KRTAP5-5: variants seen among roughly 807,000 people sequenced by gnomAD.
The protein encoded by KRTAP5-5 is keratin associated protein 5-5, also known as keratin-associated protein 5-5.
KRTAP5-5 carries 1 observed loss-of-function variant against 2.8 expected under a neutral mutation model. That is an observed-to-expected ratio of 0.35 (90% CI 0.13 to 1.67). The LOEUF (loss-of-function observed/expected upper bound fraction) is 1.67. KRTAP5-5 is among the 40% of genes most tolerant of loss of function. KRTAP5-5 has a pLI of 0.35. For missense variants in KRTAP5-5, 134 were observed against 270.9 expected, an observed-to-expected ratio of 0.49 and a Z score of 3.55; for synonymous variants, 83 against 110.6, an observed-to-expected ratio of 0.75 and a Z score of 1.57.
chr11:1,630,773 C>G (rs999763098), downstream of KRTAP5-5: 3 of 686,504 alleles, frequency 4.4e-6, no homozygotes, highest in Non-Finnish European at 7.5e-6. Context: ...ATTTAAGATC[C>G]AAAGCGGCCC....
downstream of KRTAP5-5, among the ~76,000 whole-genome samples, chr11:1,630,873 G>T (rs10838014): frequency 6.6e-6 from 1 of 151,936 alleles, no homozygotes; most frequent in Non-Finnish European, 1.5e-5. Flanking sequence ...CTCTCTGGCT[G>T]TCTGTATATC....
At chr11:1,630,555 G>C (rs1211634875) in exon 1 of KRTAP5-5, 1 of 1,611,694 alleles carries the variant, frequency 6.2e-7, no homozygotes, top group Non-Finnish European at 8.5e-7. Context: ...TAAGATCTGA[G>C]GCTCTGACTG....
chr11:1,630,612 C>G (rs992989654), exon 1 of KRTAP5-5: 2 of 1,604,608 alleles, frequency 1.2e-6, no homozygotes, highest in Non-Finnish European at 1.7e-6. Context: ...TGCCCAGCTT[C>G]CTTGCCCTGG....
chr11:1,629,963 C>A, exon 1 of KRTAP5-5: 1 of 1,148,696 alleles, frequency 8.7e-7, no homozygotes, highest in South Asian at 1.5e-5. Context: ...GTGGCTCCGG[C>A]TGTGGAGGCT....
downstream of KRTAP5-5, chr11:1,630,754 T>C: frequency 1.4e-6 from 1 of 732,160 alleles, no homozygotes; most frequent in Non-Finnish European, 2.3e-6. Flanking sequence ...CTCTCCCTGC[T>C]CCTCACTCAT....
Position 1,630,364 on chromosome 11 carries a change from AGTCC to A in KRTAP5-5, c.525_528del (p.Ser176AlafsTer74), listed in dbSNP as rs751875530. The A allele has an allele frequency of 0.039, 51,806 of 1,329,592 alleles. 3,328 individuals carry two copies. Among genetic ancestry groups the A allele is most frequent in the African/African-American group, 0.092 (4,326 of 47,106 alleles). 82.4% of individuals were successfully genotyped at this position (1,329,592 alleles called of 1,614,324 possible). On this transcript the variant is annotated frameshift_variant, in exon 1 of 1. Transcript: ENST00000399676. LOFTEE classifies it low-confidence loss of function (END_TRUNC). ...TCAGGCTGTGGGTCATCCTGCTGCC[AGTCC>A]AGCTGCTGTAAGCCTTACTGCTGCC...
chr11:1,630,793 C>G (rs1388085457), downstream of KRTAP5-5: 2 of 636,118 alleles, frequency 3.1e-6, no homozygotes, highest in East Asian at 2.8e-5. Context: ...CACTGAGGCC[C>G]CAGAGGCAGA....
chr11:1,630,327 T>C (rs1849740872), exon 1 of KRTAP5-5: 1 of 1,613,042 alleles, frequency 6.2e-7, no homozygotes, highest in Non-Finnish European at 8.5e-7. Flanking sequence ...CTGCAAGCCC[T>C]GCTGCTGCTC....
At chr11:1,630,649 T>A (rs1849749844) in exon 1 of KRTAP5-5, 5 of 1,520,748 alleles carry the variant, frequency 3.3e-6, no homozygotes, top group East Asian at 2.3e-5. Flanking sequence ...CTGTCTCCAC[T>A]GTGTCCTCAC....
rs374856155 is a variant in KRTAP5-5, at chr11:1,629,902, G to A, written c.62G>A (p.Cys21Tyr). Residue 21 changes from cysteine to tyrosine, a missense_variant, in exon 1 of 1, where the codon TGT becomes TAT. Coordinates refer to ENST00000399676, the Ensembl canonical transcript of KRTAP5-5. ...GGCTGTGGAGGCCGTGGCTCCGGCT[G>A]TGGGGGCTGTGGCTCCGGCTGTGGA... 12 of 1,609,176 alleles carry A rather than the reference G, an allele frequency of 7.5e-6. No homozygotes were observed. The highest frequency in any genetic ancestry group is 9.3e-6 in the Non-Finnish European group (11 of 1,177,892).
downstream of KRTAP5-5, chr11:1,630,754 T>G (rs1040144165): frequency 3.1e-4 from 226 of 732,042 alleles, no homozygotes; most frequent in East Asian, 6.0e-3. Context: ...CTCTCCCTGC[T>G]CCTCACTCAT....
In KRTAP5-5 at chr11:1,630,646, C is replaced by T. The variant is rs546696856; in HGVS notation, c.*92C>T. On this transcript the variant is annotated 3_prime_UTR_variant, in exon 1 of 1. Coordinates refer to ENST00000399676, the Ensembl canonical transcript of KRTAP5-5. ...GGGTTCTCTGGTGCTCCACTGTCTC[C>T]ACTGTGTCCTCACTGGCTTCATCCA... The T allele has an allele frequency of 1.8e-5, 27 of 1,526,892 alleles. No individual in the cohort carries two copies. In the African/African-American group the frequency reaches 3.0e-4, roughly 17 times the overall value. 94.6% of individuals were successfully genotyped at this position (1,526,892 alleles called of 1,614,324 possible). A position where few individuals can be genotyped will look rare whatever the true frequency, so the allele number is the denominator to read the frequency against.
chr11:1,630,219 GGGGGCTGTGGCTCCTGTGGGGGGTCC>G lies in KRTAP5-5; in HGVS notation c.380_405del (p.Gly127GlufsTer45), dbSNP rs1849736747. ...CTGTGGCTCCTGTGGGGGGTCCAAG[GGGGGCTGTGGCTCCTGTGGGGGGTCC>G]AAGGGGGGCTGTGGCTCCTGTGGGG... On this transcript the variant is annotated frameshift_variant, in exon 1 of 1. Transcript: ENST00000399676. LOFTEE classifies it low-confidence loss of function (END_TRUNC). 1.5e-5 allele frequency: 5 copies of G among 326,092 alleles called. No homozygotes were observed. The East Asian group carries it at 2.0e-4, about 13-fold the overall frequency. The allele number at this position is 326,092 out of a possible 1,614,324, so 20.2% of individuals were successfully genotyped here.
At chr11:1,630,654 C>T (rs1207925772) in exon 1 of KRTAP5-5, 1 of 1,494,890 alleles carries the variant, frequency 6.7e-7, no homozygotes, top group East Asian at 2.3e-5. Context: ...TCCACTGTGT[C>T]CTCACTGGCT....
chr11:1,630,225 TGTGGCTCCTGTGGGGGGTCCAAGGGGGGC>T lies in KRTAP5-5; in HGVS notation c.386_414del (p.Cys129LeufsTer42). ...CTCCTGTGGGGGGTCCAAGGGGGGC[TGTGGCTCCTGTGGGGGGTCCAAGGGGGGC>T]TGTGGCTCCTGTGGGGGGTCCAAGG... is the stretch of plus-strand genomic sequence containing the variant. On this transcript the variant is annotated frameshift_variant, in exon 1 of 1. Coordinates refer to ENST00000399676, the Ensembl canonical transcript of KRTAP5-5. LOFTEE classifies it low-confidence loss of function (END_TRUNC). The T allele has an allele frequency of 2.5e-6, 1 of 403,216 alleles. No individual in the cohort carries two copies. The highest frequency in any genetic ancestry group is 4.4e-6 in the Non-Finnish European group (1 of 228,246). 25.0% of individuals were successfully genotyped at this position (403,216 alleles called of 1,614,324 possible). A position where few individuals can be genotyped will look rare whatever the true frequency, so the allele number is the denominator to read the frequency against.
chr11:1,630,766 T>A, downstream of KRTAP5-5: 1 of 710,164 alleles, frequency 1.4e-6, no homozygotes, highest in Non-Finnish European at 2.4e-6. Flanking sequence ...CTCACTCATT[T>A]AAGATCCAAA....
chr11:1,629,944 G>T, exon 1 of KRTAP5-5: 1 of 1,528,722 alleles, frequency 6.5e-7, no homozygotes, highest in East Asian at 2.4e-5. Flanking sequence ...GGCTCTGGCT[G>T]TGGGGGCTGT....
At chr11:1,630,636 C>A in exon 1 of KRTAP5-5, 1 of 1,537,492 alleles carries the variant, frequency 6.5e-7, no homozygotes, top group Non-Finnish European at 8.9e-7. Context: ...CTCTGGTGCT[C>A]CACTGTCTCC....
At chr11:1,630,182 G>T (rs569811286) in exon 1 of KRTAP5-5, 2 of 1,343,438 alleles carry the variant, frequency 1.5e-6, no homozygotes, top group South Asian at 2.7e-5. Context: ...CCTGTGGGGG[G>T]TCCAAGGGGG....
Sources: gnomAD v4.1 joint callset for allele counts (sites outside exome capture counted in the v4.1 genomes callset) on GRCh38, gnomAD v4.1.1 for gene constraint, MANE v1.5 for transcripts, NCBI Gene and HGNC (gene_info 2026-07-23, HGNC 2026-07-21) for gene names.